The following SPAG16 variants were observed in gnomAD, a reference collection of about 807,000 sequenced individuals.
SPAG16 encodes the protein sperm associated antigen 16, also known as sperm-associated antigen 16 protein.
SPAG16 carries 86 observed loss-of-function variants against 80.4 expected under a neutral mutation model. The observed-to-expected ratio is 1.07, with a 90% CI of 0.90 to 1.28. The LOEUF is 1.28. Among genes scored for constraint, SPAG16 ranks in the 50% most tolerant of loss-of-function variants. SPAG16 has a pLI of 0.00. For missense variants in SPAG16, 870 were observed against 765.3 expected (o/e 1.14, Z -1.61); for synonymous variants, 294 against 265.9 (o/e 1.11, Z -1.03).
chr2:214,172,965 T>G lies in SPAG16; in HGVS notation c.1720+23699T>G, dbSNP rs190169737. Among the ~76,000 whole-genome samples the G allele has an allele frequency of 7.9e-5, 12 of 152,144 alleles. No individual in the cohort carries two copies. The East Asian group carries it at 2.3e-3, about 29-fold the overall frequency. On this transcript the variant is annotated intron_variant, in intron 15 of 15. Coordinates refer to ENST00000331683, the MANE Select transcript of SPAG16 (RefSeq NM_024532.5). ...ATGGGGTTGTTTTTTTCTTGTAAAT[T>G]TGTTTGAGTTCATTGTAGATTCTGG...
Position 214,410,199 on chromosome 2 carries a change from G to A in SPAG16, c.1780G>A (p.Gly594Arg). 1 of 1,613,744 alleles carries A rather than the reference G, an allele frequency of 6.2e-7. No homozygotes were observed. The highest frequency in any genetic ancestry group is 8.5e-7 in the Non-Finnish European group (1 of 1,179,662). Residue 594 changes from glycine (G) to arginine (R), a missense_variant, in exon 16 of 16, where the codon GGG (glycine) becomes AGG (arginine). Transcript: ENST00000331683. Reference protein sequence around the residue: ...GVIHLLDLKSGEIHKLMGHEN... With the variant: ...GVIHLLDLKSREIHKLMGHEN... Reference sequence around the variant, plus strand: ...TATCCATTTGCTAGATCTTAAATCTGGGGAGATTCACAAATTGATGGGCCA... The same window carrying A: ...TATCCATTTGCTAGATCTTAAATCTAGGGAGATTCACAAATTGATGGGCCA...
At chr2:213,292,682 A>ACAAACAACAACAAC (rs368366898) in intron 1 of SPAG16, among the ~76,000 whole-genome samples, 39 of 134,264 alleles carry the variant, frequency 2.9e-4, no homozygotes, top group Admixed American at 5.8e-4. Flanking sequence ...AAAACAAAAA[A>ACAAACAACAACAAC]AACAAAAAAA....
chr2:214,166,056 A>C (rs900588950), intron 15 of SPAG16, among the ~76,000 whole-genome samples: 1 of 152,182 alleles, frequency 6.6e-6, no homozygotes, highest in Non-Finnish European at 1.5e-5. Flanking sequence ...TAATATCTCA[A>C]ATCCATGCAA....
chr2:213,387,872 T>A (rs2125277230), intron 9 of SPAG16, among the ~76,000 whole-genome samples: 1 of 152,300 alleles, frequency 6.6e-6, no homozygotes, highest in African/African-American at 2.4e-5. Flanking sequence ...CTGGAAATGG[T>A]GTTTTAAAAT....
At chr2:213,673,842 C>T (rs988347406) in intron 10 of SPAG16, among the ~76,000 whole-genome samples, 3 of 151,952 alleles carry the variant, frequency 2.0e-5, no homozygotes, top group Admixed American at 6.6e-5. Context: ...TAAATGCTAT[C>T]ACTTTAACGG....
intron 14 of SPAG16, among the ~76,000 whole-genome samples, chr2:214,142,632 A>G (rs950025977): frequency 2.0e-5 from 3 of 152,130 alleles, no homozygotes; most frequent in Admixed American, 6.6e-5. Flanking sequence ...ATGTAGATGA[A>G]ATCTGCCCTC....
chr2:213,540,296 C>T (rs901121847), intron 10 of SPAG16, among the ~76,000 whole-genome samples: 5 of 152,062 alleles, frequency 3.3e-5, no homozygotes, highest in Admixed American at 6.5e-5. Context: ...GTGATCCACA[C>T]GCCTTGGCCT....
chr2:214,178,374 A>G (rs927408181), intron 15 of SPAG16, among the ~76,000 whole-genome samples: 1 of 151,142 alleles, frequency 6.6e-6, no homozygotes, highest in African/African-American at 2.4e-5. Flanking sequence ...GAAAAACTGC[A>G]TATATAAAAT....
At chr2:213,493,976 G>A (rs994072648) in intron 10 of SPAG16, among the ~76,000 whole-genome samples, 4 of 151,984 alleles carry the variant, frequency 2.6e-5, no homozygotes, top group Non-Finnish European at 5.9e-5. Flanking sequence ...TGCTCTTGCC[G>A]GTCATTAGCC....
chr2:213,918,723 A>G (rs2078079279), intron 11 of SPAG16, among the ~76,000 whole-genome samples: 2 of 152,176 alleles, frequency 1.3e-5, no homozygotes, highest in Non-Finnish European at 2.9e-5. Context: ...TTTTCTTTAT[A>G]AATACCCAGT....
intron 5 of SPAG16, among the ~76,000 whole-genome samples, chr2:213,335,491 A>G (rs2064309180): frequency 6.6e-6 from 1 of 152,248 alleles, no homozygotes; most frequent in Non-Finnish European, 1.5e-5. Flanking sequence ...GAAGCAATAC[A>G]ATAACAAATT....
intron 15 of SPAG16, among the ~76,000 whole-genome samples, chr2:214,315,546 T>C (rs1695628705): frequency 7.1e-6 from 1 of 141,104 alleles, no homozygotes; most frequent in African/African-American, 2.8e-5. Flanking sequence ...TATTTATTTA[T>C]TTTGAAACAA....
chr2:213,867,540 A>G (rs1458185408), intron 11 of SPAG16, among the ~76,000 whole-genome samples: 1 of 152,186 alleles, frequency 6.6e-6, no homozygotes, highest in Non-Finnish European at 1.5e-5. Flanking sequence ...TAATATCTGA[A>G]AAACACAAAT....
intron 10 of SPAG16, among the ~76,000 whole-genome samples, chr2:213,766,001 G>C (rs2068919754): frequency 6.6e-6 from 1 of 152,206 alleles, no homozygotes; most frequent in African/African-American, 2.4e-5. Context: ...GGACTGAAAG[G>C]TATAGGAGGA....
intron 11 of SPAG16, among the ~76,000 whole-genome samples, chr2:213,897,665 A>G (rs1449723677): frequency 6.6e-6 from 1 of 152,110 alleles, no homozygotes; most frequent in East Asian, 1.9e-4. Flanking sequence ...TAGCATCCCC[A>G]GTCACTGAGC....
chr2:214,206,705 C>T (rs750044897), intron 15 of SPAG16, among the ~76,000 whole-genome samples: 1 of 152,130 alleles, frequency 6.6e-6, no homozygotes, highest in South Asian at 2.1e-4. Flanking sequence ...ATACTGTCTT[C>T]CATAATGGCT....
At chr2:214,004,359 T>C (rs1257704091) in intron 12 of SPAG16, among the ~76,000 whole-genome samples, 1 of 152,056 alleles carries the variant, frequency 6.6e-6, no homozygotes, top group East Asian at 1.9e-4. Context: ...AATTACAAAG[T>C]GTTGGTCACT....
At position 213,796,133 on chromosome 2, in the gene SPAG16, A is replaced by T. The variant is rs576300217; in HGVS notation, c.1071-66352A>T. Among the ~76,000 whole-genome samples, 132 of 152,234 alleles carry T rather than the reference A, an allele frequency of 8.7e-4. 1 individual carries two copies. The highest frequency in any genetic ancestry group is 3.0e-3 in the African/African-American group (126 of 41,568). ...ATTTTTATTACAGATCTTTCGTGGGATTCTCAAATATTTTTGCATTTTTAT... is the reference window on the plus strand; with the variant it reads ...ATTTTTATTACAGATCTTTCGTGGGTTTCTCAAATATTTTTGCATTTTTAT... On this transcript the variant is annotated intron_variant, in intron 10 of 15. Coordinates refer to ENST00000331683, the MANE Select transcript of SPAG16 (RefSeq NM_024532.5).
chr2:214,386,239 G>A (rs974506540), intron 15 of SPAG16, among the ~76,000 whole-genome samples: 2 of 151,890 alleles, frequency 1.3e-5, no homozygotes, highest in Non-Finnish European at 1.5e-5. Flanking sequence ...GCCGGGCATG[G>A]TGGCATTCGC....
Sources: gnomAD v4.1 joint callset for allele counts (sites outside exome capture counted in the v4.1 genomes callset) on GRCh38, gnomAD v4.1.1 for gene constraint, MANE v1.5 for transcripts, NCBI Gene and HGNC (gene_info 2026-07-23, HGNC 2026-07-21) for gene names.